Variants in CEP350 observed in about 807,000 individuals in gnomAD.
CEP350 encodes the protein centrosome-associated protein 350.
Under a neutral mutation model 331.8 loss-of-function variants are expected in CEP350, and 126 were observed. The observed-to-expected ratio is 0.38, with a 90% CI of 0.33 to 0.44. CEP350 has a LOEUF of 0.44. Among genes scored for constraint, CEP350 ranks in the 20% least tolerant of loss-of-function variants. CEP350 has a pLI of 1.00. For missense variants in CEP350, 3,406 were observed against 3,634.6 expected (o/e 0.94, Z 1.62); for synonymous variants, 1,200 against 1,259.5 (o/e 0.95, Z 1.00).
In CEP350 at chr1:180,013,887, C is replaced by G. The variant is rs1654808543; in HGVS notation, c.1434C>G (p.Asp478Glu). 1.9e-6 allele frequency: 3 copies of G among 1,612,736 alleles called. No individual in the cohort carries two copies. The highest frequency in any genetic ancestry group is 2.5e-6 in the Non-Finnish European group (3 of 1,179,562). ...GAGCAGAATCTGATCCCAGGTTGGACGTTTTACATAGACATCTTCAAAGAA... is the reference window on the plus strand; with the variant it reads ...GAGCAGAATCTGATCCCAGGTTGGAGGTTTTACATAGACATCTTCAAAGAA... ...IGRAESDPRL[D>E]VLHRHLQRNS... Residue 478 changes from aspartate to glutamate, a missense_variant, in exon 10 of 38, where the codon GAC (aspartate) becomes GAG (glutamate). This residue lies in a region of CEP350 where 1,857 missense variants were observed against 1,909.2 expected (regional missense o/e 0.97). Coordinates refer to ENST00000367607, the MANE Select transcript of CEP350 (RefSeq NM_014810.5).
In CEP350 at chr1:180,053,821, T is replaced by A. The variant is rs186422987; in HGVS notation, c.5061T>A (p.Tyr1687Ter). ...TTACTATGGAGATGGTTCGACAGTA[T>A]ATGAAAGAGGAAGAAATGAGGGCAG... The part of the protein sequence containing the change: ...SKFTMEMVRQ[Y>*]MKEEEMRAAH... Residue 1687 changes from tyrosine (Y) to a stop codon, truncating the protein, a stop_gained, in exon 24 of 38, where the codon TAT becomes TAA. Transcript: ENST00000367607. LOFTEE classifies it high-confidence loss of function. The A allele has an allele frequency of 6.2e-7, 1 of 1,611,786 alleles. No homozygotes were observed. The highest frequency in any genetic ancestry group is 2.2e-5 in the East Asian group (1 of 44,852).
chr1:180,088,482 T>G (rs907959985), intron 32 of CEP350, among the ~76,000 whole-genome samples: 5 of 150,980 alleles, frequency 3.3e-5, no homozygotes, highest in Non-Finnish European at 4.4e-5. Flanking sequence ...ATTGCTGGAG[T>G]TAGCAGAAGG....
At chr1:180,103,768 A>G (rs1319485909) in intron 37 of CEP350, among the ~76,000 whole-genome samples, 5 of 151,944 alleles carry the variant, frequency 3.3e-5, no homozygotes, top group Non-Finnish European at 7.4e-5. Context: ...TTCTTTAGAC[A>G]TCTTTGGCCT....
chr1:179,985,729 C>T (rs1027406988), intron 1 of CEP350, among the ~76,000 whole-genome samples: 1 of 149,846 alleles, frequency 6.7e-6, no homozygotes, highest in African/African-American at 2.4e-5. Context: ...TCACGAGACT[C>T]ACTTATTATC....
rs1022327181 is a variant in CEP350, at chr1:180,016,097, C to A, written c.2174+127C>A. Reference sequence around the variant, plus strand: ...AGAGAGGTTTATTTACAAATTGGTTCATATCTTCTGAAATTTAGGCATAGT... The same window carrying A: ...AGAGAGGTTTATTTACAAATTGGTTAATATCTTCTGAAATTTAGGCATAGT... On this transcript the variant is annotated intron_variant, in intron 11 of 37. Coordinates refer to ENST00000367607, the MANE Select transcript of CEP350 (RefSeq NM_014810.5). 3.6e-6 allele frequency: 4 copies of A among 1,114,026 alleles called. No individual in the cohort carries two copies. In the Admixed American group the frequency reaches 9.2e-5, roughly 26 times the overall value. The allele number at this position is 1,114,026 out of a possible 1,614,324, so 69.0% of individuals were successfully genotyped here. A position where few individuals can be genotyped will look rare whatever the true frequency, so the allele number is the denominator to read the frequency against.
intron 14 of CEP350, among the ~76,000 whole-genome samples, chr1:180,027,847 A>G (rs1655780479): frequency 6.6e-6 from 1 of 152,144 alleles, no homozygotes; most frequent in South Asian, 2.1e-4. Context: ...GGAAAATCCT[A>G]GAGATAAGAT....
chr1:180,081,991 C>T (rs1571972215), intron 30 of CEP350, among the ~76,000 whole-genome samples: 1 of 152,154 alleles, frequency 6.6e-6, no homozygotes, highest in South Asian at 2.1e-4. Context: ...AAAATTACTT[C>T]CAAGAGAATA....
At chr1:180,038,691 A>T (rs1656537837) in intron 17 of CEP350, among the ~76,000 whole-genome samples, 1 of 152,084 alleles carries the variant, frequency 6.6e-6, no homozygotes, top group Non-Finnish European at 1.5e-5. Context: ...TATCTGTTCA[A>T]ATCTTTTACC....
chr1:179,971,016 T>G (rs905699087), intron 1 of CEP350, among the ~76,000 whole-genome samples: 16 of 151,358 alleles, frequency 1.1e-4, no homozygotes, highest in African/African-American at 3.4e-4. Context: ...ATAATAACTT[T>G]TTGTTGTTGT....
chr1:179,978,833 G>A (rs910333134), intron 1 of CEP350, among the ~76,000 whole-genome samples: 3 of 151,868 alleles, frequency 2.0e-5, no homozygotes, highest in Admixed American at 6.6e-5. Context: ...GTGACCTCCC[G>A]TGTTCTCATT....
chr1:180,015,211 TTTA>T (rs1476927178), intron 10 of CEP350, among the ~76,000 whole-genome samples: 1 of 48,464 alleles, frequency 2.1e-5, no homozygotes, highest in Non-Finnish European at 3.7e-5. Flanking sequence ...TAGGAAATTG[TTTA>T]TTTATTTATT....
intron 32 of CEP350, among the ~76,000 whole-genome samples, 157 bp from the exon 33 acceptor site, chr1:180,090,557 A>AAAAAAAGAAAAG (rs1553265979): frequency 3.2e-5 from 3 of 92,310 alleles, no homozygotes; most frequent in South Asian, 4.0e-4. Context: ...AAAAAAAAAA[A>AAAAAAAGAAAAG]AAAAAAAAAA....
chr1:179,983,258 G>A (rs1414536567), intron 1 of CEP350, among the ~76,000 whole-genome samples: 1 of 150,962 alleles, frequency 6.6e-6, no homozygotes, highest in East Asian at 2.0e-4. Context: ...TTTTTGAGAC[G>A]GAGTCTCGCT....
rs1293858110 is a variant in CEP350 at position 180,044,128 on chromosome 1, A to G, written c.4577A>G (p.Tyr1526Cys). 2.6e-6 allele frequency: 4 copies of G among 1,566,660 alleles called. No individual in the cohort carries two copies. The highest frequency in any genetic ancestry group is 2.3e-5 in the East Asian group (1 of 43,156). ...AAGCATCAGAAGTATTCTGCTTCAT[A>G]TGATAGTTATTCTGAGTCTTCAGGA... ...DSKHQKYSAS[Y>C]DSYSESSGYK... The change falls in exon 21 of 38, where the codon TAT becomes TGT. Residue 1526 changes from tyrosine to cysteine, a missense_variant. Physicochemically the swap from Tyr to Cys is radical, Grantham distance 194 (BLOSUM62 -2). This residue lies in a region of CEP350 where 1,857 missense variants were observed against 1,909.2 expected (regional missense o/e 0.97). Coordinates refer to ENST00000367607, the MANE Select transcript of CEP350 (RefSeq NM_014810.5).
chr1:180,055,546 CTTTTTTT>C (rs71118430), intron 25 of CEP350, among the ~76,000 whole-genome samples: 1 of 87,474 alleles, frequency 1.1e-5, no homozygotes, highest in Non-Finnish European at 2.1e-5. Context: ...TGAATTCCAT[CTTTTTTT>C]TTTTTTTTTT....
chr1:180,020,199 G>C lies in CEP350; in HGVS notation c.2425G>C (p.Ala809Pro). Residue 809 changes from alanine to proline, a missense_variant, in exon 12 of 38, where the codon GCC becomes CCC. By Grantham distance (27) the Ala-to-Pro change is conservative. Coordinates refer to ENST00000367607, the MANE Select transcript of CEP350 (RefSeq NM_014810.5). ...GACCTCACCAGCTGCTTATACAGAT[G>C]CCTTGTTAAAACCTAGTGCCAGCCA... ...YVTSPAAYTD[A>P]LLKPSASQYK... The C allele has an allele frequency of 6.2e-7, 1 of 1,613,986 alleles. No homozygotes were observed. Among genetic ancestry groups the C allele is most frequent in the Non-Finnish European group, 8.5e-7 (1 of 1,179,888 alleles).
At chr1:180,080,486 A>T (rs1205136672) in intron 29 of CEP350, 31 bp from the exon 30 acceptor site, 1 of 1,595,636 alleles carries the variant, frequency 6.3e-7, no homozygotes, top group African/African-American at 1.3e-5. Context: ...ATATCAAAAA[A>T]TAGTTTCCAT....
chr1:179,960,253 C>A (rs12124175), intron 1 of CEP350, among the ~76,000 whole-genome samples: 12,214 of 135,508 alleles, frequency 0.09, 744 homozygotes, highest in African/African-American at 0.19. Context: ...TCACCTAATG[C>A]GTGCACCTCT....
intron 14 of CEP350, among the ~76,000 whole-genome samples, 198 bp from the exon 15 acceptor site, chr1:180,031,122 T>G (rs1655997061): frequency 6.6e-6 from 1 of 152,086 alleles, no homozygotes; most frequent in Admixed American, 6.6e-5. Context: ...TGGAAGAAAC[T>G]TCACTTTCCT....
Sources: allele counts gnomAD v4.1 joint callset (sites outside exome capture counted in the v4.1 genomes callset), GRCh38; gene constraint gnomAD v4.1.1; regional missense constraint gnomAD v4.1.1; transcripts MANE v1.5; gene names NCBI Gene and HGNC (gene_info 2026-07-23, HGNC 2026-07-21).